ACTR5: variants seen among roughly 807,000 people sequenced by gnomAD.
ACTR5 encodes actin related protein 5.
In ACTR5, 43 loss-of-function variants were observed where a neutral mutation model predicts 61.2. That is an observed-to-expected ratio of 0.70 (90% CI 0.55 to 0.91). The LOEUF (loss-of-function observed/expected upper bound fraction) is 0.91. ACTR5 is among the 40% of genes least tolerant of loss of function. The pLI is 0.00. For missense variants in ACTR5, 798 were observed against 782.2 expected, an observed-to-expected ratio of 1.02 and a Z score of -0.24; for synonymous variants, 333 against 310.5, an observed-to-expected ratio of 1.07 and a Z score of -0.76.
intron 5 of ACTR5, among the ~76,000 whole-genome samples, chr20:38,757,949 T>C (rs564014367): frequency 4.5e-4 from 68 of 151,986 alleles, no homozygotes; most frequent in African/African-American, 1.6e-3. Flanking sequence ...ATTTGAGTTG[T>C]TGTTTACTGA....
At chr20:38,750,714 C>T (rs2425366) in intron 2 of ACTR5, among the ~76,000 whole-genome samples, 36,744 of 151,784 alleles carry the variant, frequency 0.24, 4,598 homozygotes, top group Middle Eastern at 0.35. Context: ...GGGCAACGTC[C>T]GCCTCCCGGG....
intron 8 of ACTR5, among the ~76,000 whole-genome samples, chr20:38,769,978 C>G (rs1237453291): frequency 2.0e-5 from 3 of 152,170 alleles, no homozygotes; most frequent in Non-Finnish European, 4.4e-5. Context: ...TTTTCAAGAT[C>G]TATTTCTTGG....
intron 4 of ACTR5, 67 bp downstream of exon 4, chr20:38,755,241 A>G (rs1356849356): frequency 2.1e-6 from 3 of 1,449,206 alleles, no homozygotes; most frequent in African/African-American, 2.9e-5. Context: ...ATTTTCTTGC[A>G]TATTTTTCCA....
intron 5 of ACTR5, 73 bp from the exon 6 acceptor site, chr20:38,765,329 T>C: frequency 2.9e-6 from 3 of 1,043,038 alleles, no homozygotes; most frequent in East Asian, 2.4e-5. Context: ...CAGTTCTTTT[T>C]TGTGGCACTA....
intron 5 of ACTR5, among the ~76,000 whole-genome samples, chr20:38,760,406 T>C (rs2084446511): frequency 6.6e-6 from 1 of 151,972 alleles, no homozygotes; most frequent in African/African-American, 2.4e-5. Flanking sequence ...AGATTTTGTT[T>C]TGGGAAACTA....
Position 38,750,049 on chromosome 20 carries a change from T to G in ACTR5, c.415T>G (p.Cys139Gly). The G allele has an allele frequency of 6.2e-7, 1 of 1,614,244 alleles. No individual in the cohort carries two copies. Among genetic ancestry groups the G allele is most frequent in the Non-Finnish European group, 8.5e-7 (1 of 1,180,034 alleles). ...DHPIVLTEAV[C>G]NPLYSRQMMS... is the part of the protein sequence containing the mutation. ...TCCCATAGTTTTGACAGAAGCTGTGTGCAACCCACTGTATTCACGGCAAAT... is the reference window on the plus strand; with the variant it reads ...TCCCATAGTTTTGACAGAAGCTGTGGGCAACCCACTGTATTCACGGCAAAT... Residue 139 changes from cysteine (C) to glycine (G), a missense_variant, in exon 2 of 9, where the codon TGC (cysteine) becomes GGC (glycine). Transcript: ENST00000243903.
intron 3 of ACTR5, among the ~76,000 whole-genome samples, chr20:38,753,299 A>G (rs2084398055): frequency 2.0e-5 from 3 of 152,136 alleles, no homozygotes; most frequent in Non-Finnish European, 4.4e-5. Context: ...ACTCTTCCGT[A>G]TCCTGATTGT....
intron 6 of ACTR5, 143 bp downstream of exon 6, chr20:38,765,661 A>AT (rs1409207020): frequency 2.8e-5 from 19 of 674,822 alleles, no homozygotes; most frequent in Middle Eastern, 7.9e-4. Flanking sequence ...GAAATCAGGG[A>AT]TTTTTTTCCC....
intron 5 of ACTR5, among the ~76,000 whole-genome samples, chr20:38,756,598 G>A (rs758988671): frequency 1.4e-4 from 22 of 152,038 alleles, no homozygotes; most frequent in Non-Finnish European, 2.8e-4. Flanking sequence ...TTCCTCACCC[G>A]TGCACTGTTA....
At chr20:38,769,500 T>A (rs138117012) in intron 8 of ACTR5, among the ~76,000 whole-genome samples, 408 of 152,294 alleles carry the variant, frequency 2.7e-3, no homozygotes, top group African/African-American at 9.6e-3. Context: ...AATTCCTAAA[T>A]TCTAAGTGGA....
intron 8 of ACTR5, among the ~76,000 whole-genome samples, chr20:38,771,096 G>A (rs78239530): frequency 0.08 from 12,254 of 152,262 alleles, 547 homozygotes; most frequent in Admixed American, 0.12. Context: ...CACAGAGAAC[G>A]CCCAGGTCAC....
intron 7 of ACTR5, among the ~76,000 whole-genome samples, chr20:38,767,045 A>G (rs1333360898): frequency 6.6e-6 from 1 of 152,204 alleles, no homozygotes; most frequent in African/African-American, 2.4e-5. Flanking sequence ...ATAAAAAGAA[A>G]GCACAGGTCG....
intron 5 of ACTR5, among the ~76,000 whole-genome samples, chr20:38,760,086 C>T (rs1490349105): frequency 3.3e-5 from 5 of 149,806 alleles, no homozygotes; most frequent in South Asian, 2.1e-4. Flanking sequence ...CTTGGGAGTT[C>T]GAGGCTGCAG....
intron 2 of ACTR5, among the ~76,000 whole-genome samples, chr20:38,751,561 A>G (rs190602893): frequency 2.0e-5 from 3 of 152,332 alleles, no homozygotes; most frequent in African/African-American, 7.2e-5. Context: ...TACAGCAGTG[A>G]CATTTTAGTT....
chr20:38,761,790 G>T, intron 5 of ACTR5: 1 of 153,010 alleles, frequency 6.5e-6, no homozygotes. Context: ...TAAGGAAGTA[G>T]AATGAAGAAT....
At position 38,750,213 on chromosome 20, in the gene ACTR5, G is replaced by C. The variant is rs369043386; in HGVS notation, c.579G>C (p.Thr193=). Residue 193 remains threonine, a synonymous_variant, in exon 2 of 9, where the codon ACG becomes ACC. Coordinates refer to ENST00000243903, the MANE Select transcript of ACTR5 (RefSeq NM_024855.4). ...TCATTTCATCTGGATACCAGTGTACGCATGTTTTACCCATCTTAGAAGGGA... is the reference window on the plus strand; with the variant it reads ...TCATTTCATCTGGATACCAGTGTACCCATGTTTTACCCATCTTAGAAGGGA... The part of the protein sequence containing the change: ...GLIISSGYQC[T]HVLPILEGRL... 133 of 1,614,136 alleles carry C rather than the reference G, an allele frequency of 8.2e-5. No individual in the cohort carries two copies. In the African/African-American group the frequency reaches 1.7e-3, roughly 20 times the overall value.
chr20:38,755,481 G>A (rs1414395594), intron 4 of ACTR5, among the ~76,000 whole-genome samples: 1 of 152,142 alleles, frequency 6.6e-6, no homozygotes, highest in Admixed American at 6.6e-5. Flanking sequence ...GATTTTCAAA[G>A]TGAAACTCAC....
chr20:38,758,097 C>T (rs527351001), intron 5 of ACTR5, among the ~76,000 whole-genome samples: 1 of 151,304 alleles, frequency 6.6e-6, no homozygotes, highest in East Asian at 2.0e-4. Context: ...TTTCAGATTT[C>T]AAAAAGGGAA....
intron 8 of ACTR5, among the ~76,000 whole-genome samples, chr20:38,770,642 A>G (rs2084514367): frequency 6.6e-6 from 1 of 152,076 alleles, no homozygotes; most frequent in South Asian, 2.1e-4. Context: ...TTTATTGAAT[A>G]CTCTGTACCA....
Sources: gnomAD v4.1 joint callset for allele counts (sites outside exome capture counted in the v4.1 genomes callset) on GRCh38, gnomAD v4.1.1 for gene constraint, MANE v1.5 for transcripts, NCBI Gene and HGNC (gene_info 2026-07-23, HGNC 2026-07-21) for gene names.